The following FBLN7 variants were observed in gnomAD, a reference collection of about 807,000 sequenced individuals.
The protein encoded by FBLN7 is fibulin 7.
Under a neutral mutation model 44.0 loss-of-function variants are expected in FBLN7, and 31 were observed. That is an observed-to-expected ratio of 0.70 (90% CI 0.53 to 0.95). The LOEUF is 0.95. Among genes scored for constraint, FBLN7 ranks in the 40% least tolerant of loss-of-function variants. FBLN7 has a pLI of 0.00. For synonymous variants in FBLN7, 262 were observed against 253.4 expected, an observed-to-expected ratio of 1.03 and a Z score of -0.32; for missense variants, 573 against 618.5, an observed-to-expected ratio of 0.93 and a Z score of 0.78.
chr2:112,160,292 TCTGTGGCCCA>T (rs1681690423), intron 2 of FBLN7, among the ~76,000 whole-genome samples: 1 of 152,154 alleles, frequency 6.6e-6, no homozygotes, highest in African/African-American at 2.4e-5. Context: ...GCCGGGCCAA[TCTGTGGCCCA>T]TTTGTAAGCC....
intron 2 of FBLN7, among the ~76,000 whole-genome samples, chr2:112,161,900 G>C (rs1681892966): frequency 6.6e-6 from 1 of 152,252 alleles, no homozygotes; most frequent in Admixed American, 6.5e-5. Context: ...TCCTGTGACA[G>C]CCCTGCAGAG....
At chr2:112,234,107 C>G in the FBLN7 span, 1 of 1,441,846 alleles carries the variant, frequency 6.9e-7, no homozygotes, top group Non-Finnish European at 9.4e-7. Context: ...TTTTTGCTTA[C>G]ACATTTTTAT....
rs560145521 is a variant in FBLN7 at position 112,151,516 on chromosome 2, A to G, written c.76-8160A>G. ...GCCAGGCTGCATCACGCCCCTGCCTACATCCCACAAGTCTCCTCGCCGCTG... is the reference window on the plus strand; with the variant it reads ...GCCAGGCTGCATCACGCCCCTGCCTGCATCCCACAAGTCTCCTCGCCGCTG... On this transcript the variant is annotated intron_variant, in intron 1 of 7. Transcript: ENST00000331203. The G allele has an allele frequency of 2.6e-5, 4 of 152,336 alleles. No individual in the cohort carries two copies. In the South Asian group the frequency reaches 8.3e-4, roughly 32 times the overall value. The allele number at this position is 152,336 out of a possible 1,614,324, so 9.4% of individuals were successfully genotyped here.
chr2:112,187,457 C>T lies in FBLN7; in HGVS notation c.1271C>T (p.Ala424Val). 6.2e-7 allele frequency: 1 copy of T among 1,614,184 alleles called. No homozygotes were observed. The highest frequency in any genetic ancestry group is 8.5e-7 in the Non-Finnish European group (1 of 1,180,032). ...MSEYLDRSFQANHVSKVTIFV... is the reference protein window; with the variant it reads ...MSEYLDRSFQVNHVSKVTIFV... ...GAATACCTGGACCGCTCCTTCCAGGCCAACCACGTGTCCAAGGTCACCATC... is the reference window on the plus strand; with the variant it reads ...GAATACCTGGACCGCTCCTTCCAGGTCAACCACGTGTCCAAGGTCACCATC... The change falls in exon 8 of 8, where the codon GCC becomes GTC. Residue 424 changes from alanine (A) to valine (V), a missense_variant. By Grantham distance (64) the Ala-to-Val change is moderately conservative. Coordinates refer to ENST00000331203, the MANE Select transcript of FBLN7 (RefSeq NM_153214.3). The surrounding 1 kb of genome is among the most constrained non-coding windows in gnomAD (Gnocchi z 5.1).
At chr2:112,186,441 A>G (rs568908325) in intron 7 of FBLN7, among the ~76,000 whole-genome samples, 93 of 152,208 alleles carry the variant, frequency 6.1e-4, no homozygotes, top group Admixed American at 1.6e-3. Flanking sequence ...GGAGTTCGAG[A>G]CCAGCCTGGC....
the FBLN7 span, among the ~76,000 whole-genome samples, chr2:112,199,307 A>G: frequency 1.3e-5 from 2 of 152,048 alleles, no homozygotes; most frequent in African/African-American, 4.8e-5. Context: ...CATTTCTCTC[A>G]TTTCTCTCAT....
chr2:112,173,803 G>A (rs1682595442), intron 3 of FBLN7, among the ~76,000 whole-genome samples: 1 of 152,236 alleles, frequency 6.6e-6, no homozygotes, highest in African/African-American at 2.4e-5. Context: ...ACACAGAGTG[G>A]GTGCCGGGCT....
chr2:112,162,647 C>T (rs78926004), intron 2 of FBLN7, among the ~76,000 whole-genome samples: 2,480 of 152,312 alleles, frequency 0.016, 54 homozygotes, highest in African/African-American at 0.057. Context: ...CGTTCCCCTT[C>T]TGTCACTAGA....
chr2:112,202,571 A>G, the FBLN7 span, among the ~76,000 whole-genome samples: 2 of 152,210 alleles, frequency 1.3e-5, no homozygotes, highest in South Asian at 2.1e-4. Flanking sequence ...TATGAAAGAC[A>G]TAAAAACACT....
chr2:112,147,416 C>A (rs1680947154), intron 1 of FBLN7, among the ~76,000 whole-genome samples: 1 of 152,202 alleles, frequency 6.6e-6, no homozygotes, highest in Non-Finnish European at 1.5e-5. Flanking sequence ...ACTACAGAGC[C>A]AAGTAGTCCC....
At chr2:112,232,230 C>G in the FBLN7 span, among the ~76,000 whole-genome samples, 1 of 148,412 alleles carries the variant, frequency 6.7e-6, no homozygotes, top group Non-Finnish European at 1.5e-5. Context: ...GCACCAAAAT[C>G]ATTTGAACCT....
chr2:112,231,843 C>T, the FBLN7 span: 1 of 1,563,804 alleles, frequency 6.4e-7, no homozygotes, highest in Non-Finnish European at 8.7e-7. Context: ...CTTACTTTAG[C>T]CAACAATTCT....
At chr2:112,208,409 A>T in the FBLN7 span, among the ~76,000 whole-genome samples, 34 of 151,874 alleles carry the variant, frequency 2.2e-4, no homozygotes, top group African/African-American at 7.7e-4. Flanking sequence ...TCAAAACACA[A>T]AACAAAACAA....
At position 112,138,559 on chromosome 2, in the gene FBLN7, C is replaced by T; in HGVS notation, c.-97C>T. ...GCCGCCCCCCGGCCGCGCGGCGCCC[C>T]GCACCCTGCAGGGACGGCTGCCGCA... is the stretch of plus-strand genomic sequence containing the variant. On this transcript the variant is annotated 5_prime_UTR_variant, in exon 1 of 8. Transcript: ENST00000331203. 6 of 1,589,116 alleles carry T rather than the reference C, an allele frequency of 3.8e-6. No individual in the cohort carries two copies. In the South Asian group the frequency reaches 4.5e-5, roughly 12 times the overall value.
chr2:112,217,567 A>G, the FBLN7 span, among the ~76,000 whole-genome samples: 4 of 152,174 alleles, frequency 2.6e-5, no homozygotes, highest in Non-Finnish European at 4.4e-5. Flanking sequence ...TATTTAGAAA[A>G]TATCAGTTTA....
the FBLN7 span, among the ~76,000 whole-genome samples, chr2:112,200,931 T>C: frequency 6.6e-6 from 1 of 152,248 alleles, no homozygotes; most frequent in Non-Finnish European, 1.5e-5. Context: ...CCCATTTAAA[T>C]GTTTAAATGT....
At chr2:112,158,882 C>A (rs1681574880) in intron 1 of FBLN7, among the ~76,000 whole-genome samples, 3 of 152,164 alleles carry the variant, frequency 2.0e-5, no homozygotes, top group African/African-American at 7.2e-5. Context: ...GCCAGGAAAC[C>A]TTGAGAATTT....
downstream of FBLN7, among the ~76,000 whole-genome samples, chr2:112,192,150 G>A (rs886413728): frequency 3.3e-5 from 5 of 152,152 alleles, no homozygotes; most frequent in African/African-American, 1.2e-4. Flanking sequence ...AGTCACTCCT[G>A]ATTGACATTT....
At chr2:112,150,330 C>G (rs953000860) in intron 1 of FBLN7, among the ~76,000 whole-genome samples, 2 of 151,782 alleles carry the variant, frequency 1.3e-5, no homozygotes, top group African/African-American at 2.4e-5. Flanking sequence ...CTGATTTGAA[C>G]AAAAACAGAG....
Sources: gnomAD v4.1 joint callset for allele counts (sites outside exome capture counted in the v4.1 genomes callset) on GRCh38, gnomAD v4.1.1 for gene constraint, Gnocchi (gnomAD v3.1) non-coding constraint, MANE v1.5 for transcripts, NCBI Gene and HGNC (gene_info 2026-07-23, HGNC 2026-07-21) for gene names.